The following ERG variants were observed in gnomAD, a reference collection of about 807,000 sequenced individuals.
The protein encoded by ERG is transcriptional regulator ERG.
Under a neutral mutation model 55.3 loss-of-function variants are expected in ERG, and 9 were observed. The observed-to-expected ratio is 0.16, with a 90% CI of 0.10 to 0.28. The LOEUF (loss-of-function observed/expected upper bound fraction) is 0.28. ERG is among the 10% of genes least tolerant of loss of function. The probability of loss-of-function intolerance (pLI) is 1.00; values close to 1 mark genes in which losing one functional copy is unlikely to be tolerated. For missense variants in ERG, 434 were observed against 631.6 expected (o/e 0.69, Z 3.35); for synonymous variants, 223 against 237.3 (o/e 0.94, Z 0.55).
chr21:38,562,592 G>A (rs1299525348), intron 2 of ERG, among the ~76,000 whole-genome samples: 3 of 152,216 alleles, frequency 2.0e-5, no homozygotes. Context: ...CAAAAGTACA[G>A]AATGAGTATC....
intron 1 of ERG, among the ~76,000 whole-genome samples, chr21:38,483,071 C>G (rs969693518): frequency 7.9e-5 from 12 of 152,156 alleles, no homozygotes; most frequent in African/African-American, 2.9e-4. Flanking sequence ...CACAGAAAGA[C>G]AAATACTGCA....
downstream of ERG, among the ~76,000 whole-genome samples, chr21:38,375,642 C>T (rs992116323): frequency 1.3e-5 from 2 of 152,196 alleles, no homozygotes; most frequent in Non-Finnish European, 2.9e-5. Context: ...GAAAAGGAAA[C>T]ACTTTGGTGA....
chr21:38,570,638 C>G (rs961864409), intron 2 of ERG, among the ~76,000 whole-genome samples: 7 of 152,180 alleles, frequency 4.6e-5, no homozygotes, highest in African/African-American at 1.7e-4. Flanking sequence ...GCTTCCGTTT[C>G]ATATAAAATG....
At chr21:38,502,146 A>G (rs1439400635), upstream of ERG, among the ~76,000 whole-genome samples, 3 of 152,150 alleles carry the variant, frequency 2.0e-5, no homozygotes, top group African/African-American at 4.8e-5. Flanking sequence ...CAGAAGATTC[A>G]CTCATGACTC....
the ERG span, among the ~76,000 whole-genome samples, chr21:38,369,330 C>T: frequency 6.6e-6 from 1 of 152,072 alleles, no homozygotes; most frequent in South Asian, 2.1e-4. Context: ...TAGATGGTAT[C>T]TTATTGTGGT....
chr21:38,528,613 A>G (rs2059649407), intron 2 of ERG, among the ~76,000 whole-genome samples: 1 of 93,336 alleles, frequency 1.1e-5, no homozygotes, highest in Non-Finnish European at 2.5e-5. Context: ...ACGCCCGGCT[A>G]ATTTTTTTGT....
At chr21:38,592,900 C>T (rs1046568951) in intron 1 of ERG, among the ~76,000 whole-genome samples, 4 of 152,138 alleles carry the variant, frequency 2.6e-5, no homozygotes, top group African/African-American at 9.7e-5. Context: ...GAGGGTCAAC[C>T]TTTCTTTCAT....
chr21:38,585,736 T>C (rs1377260844), upstream of ERG, among the ~76,000 whole-genome samples: 3 of 151,984 alleles, frequency 2.0e-5, no homozygotes, highest in Non-Finnish European at 2.9e-5. Context: ...ATGGGCAGAA[T>C]TATTTCTAAA....
chr21:38,506,888 G>T (rs2059465257), intron 2 of ERG, among the ~76,000 whole-genome samples: 1 of 152,144 alleles, frequency 6.6e-6, no homozygotes, highest in African/African-American at 2.4e-5. Context: ...GAACAGGGAG[G>T]CTAGTTTTCA....
At chr21:38,429,092 T>G (rs1989981144) in intron 2 of ERG, among the ~76,000 whole-genome samples, 1 of 152,130 alleles carries the variant, frequency 6.6e-6, no homozygotes, top group Non-Finnish European at 1.5e-5. Flanking sequence ...TATGCTTTTG[T>G]GTCCTCATAG....
chr21:38,450,872 T>C (rs1486521037), intron 1 of ERG: 3 of 453,016 alleles, frequency 6.6e-6, no homozygotes, highest in South Asian at 4.7e-5. Context: ...GATCATTTAA[T>C]CCTTACAATT....
chr21:38,553,773 C>A (rs2059839839), intron 2 of ERG, among the ~76,000 whole-genome samples: 1 of 151,934 alleles, frequency 6.6e-6, no homozygotes, highest in Non-Finnish European at 1.5e-5. Context: ...TAGGCCCTGG[C>A]AAAGATTTCA....
At position 38,460,154 on chromosome 21, in the gene ERG, G is replaced by C. The variant is rs2059028095; in HGVS notation, c.19-14533C>G. 6.6e-6 allele frequency among the ~76,000 whole-genome samples: 1 copy of C among 152,202 alleles called. No individual in the cohort carries two copies. Among genetic ancestry groups the C allele is most frequent in the Admixed American group, 6.5e-5 (1 of 15,280 alleles). On this transcript the variant is annotated intron_variant, in intron 1 of 9. Coordinates refer to ENST00000288319, the MANE Select transcript of ERG (RefSeq NM_182918.4). The surrounding 1 kb of genome is among the most constrained non-coding windows in gnomAD (Gnocchi z 5.0). ...TGGCAACAGCTAGAACAAGGCCAGA[G>C]TGGACTGCGGGGGCTGCACGAGGAA...
chr21:38,576,686 G>T (rs192970744), intron 1 of ERG, among the ~76,000 whole-genome samples: 57 of 152,138 alleles, frequency 3.7e-4, no homozygotes, highest in African/African-American at 1.2e-3. Flanking sequence ...CTCTACAGAT[G>T]GGCTCAGCAG....
At chr21:38,510,023 C>T (rs1033935239) in intron 2 of ERG, among the ~76,000 whole-genome samples, 2 of 152,160 alleles carry the variant, frequency 1.3e-5, no homozygotes, top group Non-Finnish European at 2.9e-5. Context: ...GAGGGGCCTT[C>T]GCTGTGGGCA....
chr21:38,547,193 T>A lies in ERG; in HGVS notation c.-41+28469A>T, dbSNP rs913682592. On this transcript the variant is annotated intron_variant, in intron 2 of 8. Transcript: ENST00000398897. ...AAAGTGCTACATGAAAAGTCATGGA[T>A]TTTTTTTCTAACTTGTTGATCTCAA... Among the ~76,000 whole-genome samples the A allele has an allele frequency of 2.0e-5, 3 of 152,068 alleles. No individual in the cohort carries two copies. The East Asian group carries it at 5.8e-4, about 29-fold the overall frequency.
At chr21:38,391,529 C>G in intron 8 of ERG, 130 bp downstream of exon 8, 1 of 734,444 alleles carries the variant, frequency 1.4e-6, no homozygotes, top group Non-Finnish European at 2.2e-6. Flanking sequence ...TGGGCCCTAT[C>G]TTATGTATGG....
In ERG at chr21:38,403,624, C is replaced by G. The variant is rs781028984; in HGVS notation, c.474G>C (p.Leu158Phe). ...CCTTCCCATCGATGTTCTGGAATAA[C>G]AAGATGTTGACGTCTGGAAGGCCAT... ...KEYGLPDVNI[L>F]LFQNIDGKEL... The change falls in exon 4 of 10, where the codon TTG (leucine) becomes TTC (phenylalanine). Residue 158 changes from leucine to phenylalanine, a missense_variant. This residue lies in a region of ERG where 212 missense variants were observed against 262.9 expected (regional missense o/e 0.81). Coordinates refer to ENST00000288319, the MANE Select transcript of ERG (RefSeq NM_182918.4). The G allele has an allele frequency of 2.5e-6, 4 of 1,614,180 alleles. No homozygotes were observed. Among genetic ancestry groups the G allele is most frequent in the Non-Finnish European group, 2.5e-6 (3 of 1,180,022 alleles).
At chr21:38,661,250 A>G (rs1285720462) in intron 1 of ERG, among the ~76,000 whole-genome samples, 1 of 152,134 alleles carries the variant, frequency 6.6e-6, no homozygotes, top group Non-Finnish European at 1.5e-5. Flanking sequence ...GAGAAGTGAT[A>G]TTTTTCCAGC....
Sources: gnomAD v4.1 joint callset for allele counts (sites outside exome capture counted in the v4.1 genomes callset) on GRCh38, gnomAD v4.1.1 for gene constraint, gnomAD v4.1.1 regional missense constraint, Gnocchi (gnomAD v3.1) non-coding constraint, MANE v1.5 for transcripts, NCBI Gene and HGNC (gene_info 2026-07-23, HGNC 2026-07-21) for gene names.